HDLBP: variants seen among roughly 807,000 people sequenced by gnomAD.
HDLBP encodes high density lipoprotein binding protein.
HDLBP carries 30 observed loss-of-function variants against 137.3 expected under a neutral mutation model. The ratio of observed to expected loss-of-function variants is 0.22; its 90% confidence interval spans 0.16 to 0.30. HDLBP has a LOEUF of 0.30. Ranked by LOEUF, HDLBP falls within the 10% of genes least tolerant of loss-of-function variation. The pLI is 1.00. For synonymous variants in HDLBP, 606 were observed against 596.0 expected, an observed-to-expected ratio of 1.02 and a Z score of -0.24; for missense variants, 1,119 against 1,667.3, an observed-to-expected ratio of 0.67 and a Z score of 5.73.
At position 241,256,319 on chromosome 2, in the gene HDLBP, G is replaced by A. The variant is rs775484283; in HGVS notation, c.738C>T (p.Gly246=). The stretch of plus-strand genomic sequence containing the variant: ...GCGTGCCTGTCTCCTGCATGATCTC[G>A]CCAACCAGTCTATTATACGGCCCAG... ...FIAGPYNRLV[G]EIMQETGTRI... The change falls in exon 7 of 28, where the codon GGC becomes GGT. Residue 246 remains glycine (G), a synonymous_variant. Coordinates refer to ENST00000310931, the MANE Select transcript of HDLBP (RefSeq NM_005336.6). The A allele has an allele frequency of 9.3e-6, 15 of 1,613,918 alleles. No homozygotes were observed. The highest frequency in any genetic ancestry group is 1.6e-4 in the Middle Eastern group (1 of 6,084).
chr2:241,308,600 A>G (rs923990937), intron 1 of HDLBP, among the ~76,000 whole-genome samples: 29 of 152,220 alleles, frequency 1.9e-4, no homozygotes, highest in African/African-American at 6.8e-4. Context: ...GAAAAGCGTC[A>G]AAGTGTATAC....
rs879569148 is a variant in HDLBP at position 241,236,551 on chromosome 2, G to A, written c.2904+64C>T. 44 of 1,550,464 alleles carry A rather than the reference G, an allele frequency of 2.8e-5. 2 individuals are homozygous for A. The South Asian group carries it at 3.0e-4, about 11-fold the overall frequency. On this transcript the variant is annotated intron_variant, in intron 21 of 27. Transcript: ENST00000310931. Reference sequence around the variant, plus strand: ...ACCGTCCATCCCATCCAGGCCACGCGTCTCCCCAGGTGCCTGCTGACTGGG... The same window carrying A: ...ACCGTCCATCCCATCCAGGCCACGCATCTCCCCAGGTGCCTGCTGACTGGG...
In HDLBP at chr2:241,289,912, T is replaced by C. The variant is rs190877739; in HGVS notation, c.-102-21371A>G. On this transcript the variant is annotated intron_variant, in intron 1 of 27. Transcript: ENST00000310931. The stretch of plus-strand genomic sequence containing the variant: ...CCAGCTACTGCACGTGTGGGATGAA[T>C]GGACTTCAGAAGGGCAACAGCAGAG... Among the ~76,000 whole-genome samples, 4 of 151,542 alleles carry C rather than the reference T, an allele frequency of 2.6e-5. No individual in the cohort carries two copies. The East Asian group carries it at 7.8e-4, about 29-fold the overall frequency.
intron 9 of HDLBP, 118 bp from the exon 10 acceptor site, chr2:241,253,615 T>A (rs2072380880): frequency 4.3e-6 from 3 of 698,494 alleles, no homozygotes; most frequent in South Asian, 3.4e-5. Flanking sequence ...CACATAGATG[T>A]GAGGGAGGGA....
intron 1 of HDLBP, among the ~76,000 whole-genome samples, chr2:241,310,197 T>G (rs1275511900): frequency 1.3e-5 from 2 of 152,030 alleles, no homozygotes; most frequent in South Asian, 2.1e-4. Context: ...AAAATAGGAA[T>G]AGAGGGAACA....
chr2:241,254,964 A>G, intron 9 of HDLBP, 87 bp downstream of exon 9: 2 of 1,020,972 alleles, frequency 2.0e-6, no homozygotes, highest in Admixed American at 3.5e-5. Flanking sequence ...GGGCATCCAC[A>G]GTACAAAGGT....
chr2:241,247,516 C>A, intron 14 of HDLBP: 1 of 287,840 alleles, frequency 3.5e-6, no homozygotes, highest in Non-Finnish European at 6.6e-6. Flanking sequence ...TTCACCATCG[C>A]CTCTCCCAGG....
At chr2:241,251,610 C>T (rs1377113765) in intron 11 of HDLBP, among the ~76,000 whole-genome samples, 5 of 152,194 alleles carry the variant, frequency 3.3e-5, no homozygotes, top group African/African-American at 7.2e-5. Context: ...GTAACACACG[C>T]GACGTGTGCA....
intron 1 of HDLBP, among the ~76,000 whole-genome samples, chr2:241,283,230 G>T (rs1347073960): frequency 6.6e-6 from 1 of 152,190 alleles, no homozygotes; most frequent in Non-Finnish European, 1.5e-5. Flanking sequence ...GGCTGAGAGA[G>T]GTGAGGAAGC....
chr2:241,250,262 A>G (rs2072022407), intron 11 of HDLBP: 1 of 292,620 alleles, frequency 3.4e-6, no homozygotes. Flanking sequence ...GGGGCCACTC[A>G]GTCTGGGATT....
rs1254395698 is a variant in HDLBP at position 241,238,336 on chromosome 2, C to T, written c.2749+313G>A. ...TACGACGGGGCTCATGCGATCCAAA[C>T]GATGTCATGAGAATCACTGGGACTG... On this transcript the variant is annotated intron_variant, in intron 20 of 27. Transcript: ENST00000310931. This position sits in a 1 kb window ranked among gnomAD's most constrained non-coding sequence, Gnocchi z 4.9. 4.8e-5 allele frequency: 10 copies of T among 210,384 alleles called. No homozygotes were observed. Among genetic ancestry groups the T allele is most frequent in the African/African-American group, 1.4e-4 (6 of 43,724 alleles). The allele number at this position is 210,384 out of a possible 1,614,324, so 13.0% of individuals were successfully genotyped here.
intron 1 of HDLBP, among the ~76,000 whole-genome samples, chr2:241,314,668 C>G (rs763073758): frequency 1.1e-4 from 16 of 152,192 alleles, no homozygotes; most frequent in Non-Finnish European, 4.4e-5. Flanking sequence ...AACACCATGT[C>G]AAGTCTGACC....
chr2:241,272,191 A>G lies in HDLBP; in HGVS notation c.-102-3650T>C. The G allele has an allele frequency of 1.0e-6, 1 of 984,968 alleles. No homozygotes were observed. The highest frequency in any genetic ancestry group is 1.2e-6 in the Non-Finnish European group (1 of 829,614). The allele number at this position is 984,968 out of a possible 1,614,324, so 61.0% of individuals were successfully genotyped here. A position where few individuals can be genotyped will look rare whatever the true frequency, so the allele number is the denominator to read the frequency against. Reference sequence around the variant, plus strand: ...TAGACTGACGCGGGCCCCGCGCGGCAGGTGGAGGTGCTGCGGGGGCCCCGC... The same window carrying G: ...TAGACTGACGCGGGCCCCGCGCGGCGGGTGGAGGTGCTGCGGGGGCCCCGC... On this transcript the variant is annotated intron_variant, in intron 1 of 27. Transcript: ENST00000310931. This position sits in a 1 kb window ranked among gnomAD's most constrained non-coding sequence, Gnocchi z 5.6.
At chr2:241,253,567 G>A (rs1369709879) in intron 9 of HDLBP, 70 bp from the exon 10 acceptor site, 2 of 1,091,820 alleles carry the variant, frequency 1.8e-6, no homozygotes, top group Admixed American at 3.5e-5. Flanking sequence ...CTCCCAGTGG[G>A]AGCTCTCTTC....
At chr2:241,294,187 G>GT (rs1217903180) in intron 1 of HDLBP, among the ~76,000 whole-genome samples, 1 of 152,100 alleles carries the variant, frequency 6.6e-6, no homozygotes, top group African/African-American at 2.4e-5. Flanking sequence ...AATTATTTTT[G>GT]TAACTCATTG....
chr2:241,258,518 T>C (rs1475850003), intron 5 of HDLBP, among the ~76,000 whole-genome samples: 2 of 152,016 alleles, frequency 1.3e-5, no homozygotes, highest in Non-Finnish European at 1.5e-5. Flanking sequence ...GCTGAGACCC[T>C]GTGTTACAAC....
chr2:241,265,548 T>C (rs902753440), intron 3 of HDLBP, among the ~76,000 whole-genome samples: 1 of 152,256 alleles, frequency 6.6e-6, no homozygotes, highest in Non-Finnish European at 1.5e-5. Flanking sequence ...AGTGCCCTAT[T>C]TGTTCATGTG....
Position 241,235,267 on chromosome 2 carries a change from G to A in HDLBP, c.3010-12C>T. On this transcript the variant is annotated splice_polypyrimidine_tract_variant and intron_variant, in intron 22 of 27. Coordinates refer to ENST00000310931, the MANE Select transcript of HDLBP (RefSeq NM_005336.6). ...ACATGTATGTTCACCTACGTGAAGA[G>A]GGGGCTGACTTGACGTTCAGGACCC... The A allele has an allele frequency of 1.9e-6, 3 of 1,614,160 alleles. No individual in the cohort carries two copies. Among genetic ancestry groups the A allele is most frequent in the African/African-American group, 1.3e-5 (1 of 75,062 alleles).
intron 1 of HDLBP, among the ~76,000 whole-genome samples, chr2:241,290,092 C>G (rs1160515863): frequency 6.6e-6 from 1 of 152,184 alleles, no homozygotes; most frequent in Non-Finnish European, 1.5e-5. Flanking sequence ...TATGCATAGT[C>G]TTCGGGGTAC....
Sources: allele counts gnomAD v4.1 joint callset (sites outside exome capture counted in the v4.1 genomes callset), GRCh38; gene constraint gnomAD v4.1.1; non-coding constraint Gnocchi (gnomAD v3.1); transcripts MANE v1.5; gene names NCBI Gene and HGNC (gene_info 2026-07-23, HGNC 2026-07-21).